Variants in ZW10 observed in about 807,000 individuals in gnomAD.
The protein encoded by ZW10 is zw10 kinetochore protein.
In ZW10, 53 loss-of-function variants were observed where a neutral mutation model predicts 87.8. That is an observed-to-expected ratio of 0.60 (90% confidence interval 0.48 to 0.76). ZW10 has a LOEUF of 0.76. Ranked by LOEUF, ZW10 falls within the 30% of genes least tolerant of loss-of-function variation. ZW10 has a pLI of 0.00. For synonymous variants in ZW10, 312 were observed against 329.2 expected (o/e 0.95, Z 0.57); for missense variants, 837 against 923.0 (o/e 0.91, Z 1.21).
chr11:113,759,722 A>G (rs1234305913), intron 5 of ZW10, among the ~76,000 whole-genome samples: 2 of 152,180 alleles, frequency 1.3e-5, no homozygotes, highest in Non-Finnish European at 2.9e-5. Flanking sequence ...ATTTTCCCCA[A>G]GGACTGGAAA....
intron 7 of ZW10, among the ~76,000 whole-genome samples, chr11:113,750,090 T>A (rs1953719555): frequency 6.6e-6 from 1 of 152,202 alleles, no homozygotes; most frequent in Non-Finnish European, 1.5e-5. Flanking sequence ...TTTTTCTAGA[T>A]TAAGAAAATA....
At chr11:113,755,448 A>G (rs1257808114) in intron 7 of ZW10, among the ~76,000 whole-genome samples, 1 of 152,204 alleles carries the variant, frequency 6.6e-6, no homozygotes, top group Admixed American at 6.5e-5. Context: ...AATTGCTGCA[A>G]TCTCATGATA....
Position 113,733,807 on chromosome 11 carries a change from C to T in ZW10, c.2227G>A (p.Asp743Asn). 1 of 1,599,444 alleles carries T rather than the reference C, an allele frequency of 6.3e-7. No homozygotes were observed. Among genetic ancestry groups the T allele is most frequent in the Non-Finnish European group, 8.5e-7 (1 of 1,172,602 alleles). ...SLQEIGDRWA[D>N]GKGPLAAAFS... ...GCAGCTGCCAGGGGTCCTTTTCCATCTGCCCACCTGCAAAACGAAAGATAG... is the reference window on the plus strand; with the variant it reads ...GCAGCTGCCAGGGGTCCTTTTCCATTTGCCCACCTGCAAAACGAAAGATAG... The change falls in exon 16 of 16, where the codon GAT (aspartate) becomes AAT (asparagine). Residue 743 changes from aspartate (D) to asparagine (N), a missense_variant. Coordinates refer to ENST00000200135, the MANE Select transcript of ZW10 (RefSeq NM_004724.4).
intron 7 of ZW10, among the ~76,000 whole-genome samples, chr11:113,753,288 G>A (rs993266257): frequency 1.1e-4 from 17 of 152,230 alleles, no homozygotes; most frequent in African/African-American, 3.6e-4. Flanking sequence ...TTGGTTTTCT[G>A]TTCCTGAGTT....
chr11:113,757,790 A>G lies in ZW10; in HGVS notation c.797T>C (p.Ile266Thr), dbSNP rs779868309. ...AATAACTATGTTAGGCTGGCTTTCT[A>G]TCACAGCATGAAGGGATGGGCAAGA... ...LASCPSLHAV[I>T]ESQPNIVIIR... The change falls in exon 7 of 16, where the codon ATA becomes ACA. Residue 266 changes from isoleucine to threonine, a missense_variant. Physicochemically the swap from Ile to Thr is moderately conservative, Grantham distance 89. Transcript: ENST00000200135. 10 of 1,613,880 alleles carry G rather than the reference A, an allele frequency of 6.2e-6. No individual in the cohort carries two copies. In the East Asian group the frequency reaches 2.2e-4, roughly 36 times the overall value.
Position 113,738,045 on chromosome 11 carries a change from T to C in ZW10, c.1884+219A>G, listed in dbSNP as rs574805599. Among the ~76,000 whole-genome samples the C allele has an allele frequency of 4.0e-5, 6 of 151,856 alleles. No individual in the cohort carries two copies. The South Asian group carries it at 1.2e-3, about 32-fold the overall frequency. Reference sequence around the variant, plus strand: ...CTTTCTAGGTAACAAGTTGCAATTATTGAGTCAATGAAAAGATAGTTTCGT... The same window carrying C: ...CTTTCTAGGTAACAAGTTGCAATTACTGAGTCAATGAAAAGATAGTTTCGT... On this transcript the variant is annotated intron_variant, in intron 13 of 15. Coordinates refer to ENST00000200135, the MANE Select transcript of ZW10 (RefSeq NM_004724.4).
At chr11:113,760,705 GAAAGA>G in intron 3 of ZW10, 107 bp downstream of exon 3, 3 of 773,368 alleles carry the variant, frequency 3.9e-6, no homozygotes, top group Non-Finnish European at 5.4e-6. Context: ...AAAAAAAAAA[GAAAGA>G]AAAAAAAATA....
chr11:113,757,726 T>C lies in ZW10; in HGVS notation c.861A>G (p.Pro287=), dbSNP rs1225149886. 1 of 1,613,444 alleles carries C rather than the reference T, an allele frequency of 6.2e-7. No individual in the cohort carries two copies. The highest frequency in any genetic ancestry group is 1.1e-5 in the South Asian group (1 of 90,986). The part of the protein sequence containing the change: ...FESIMTNLEY[P]SPSEVFTKIR... The stretch of plus-strand genomic sequence containing the variant: ...TCTTTGTAAAAACTTCAGATGGTGA[T>C]GGATATTCCAAGTTAGTCATTATAG... The change falls in exon 7 of 16, where the codon CCA becomes CCG. Residue 287 remains proline (P), a synonymous_variant. Transcript: ENST00000200135.
At chr11:113,747,751 C>T (rs1215746036) in intron 8 of ZW10, 38 bp from the exon 9 acceptor site, 1 of 1,446,844 alleles carries the variant, frequency 6.9e-7, no homozygotes, top group Non-Finnish European at 9.3e-7. Flanking sequence ...GAATCATTTA[C>T]ATATATTCCA....
At position 113,760,577 on chromosome 11, in the gene ZW10, A is replaced by G. The variant is rs375705676; in HGVS notation, c.356T>C (p.Ile119Thr). The G allele has an allele frequency of 1.2e-6, 2 of 1,612,190 alleles. No individual in the cohort carries two copies. The highest frequency in any genetic ancestry group is 1.3e-5 in the African/African-American group (1 of 74,872). ...LKQLQEFSTA[I>T]EEYNCALTEK... is the part of the protein sequence containing the mutation. ...TGTTAATGCACAATTATATTCTTCA[A>G]TAGCAGTGGAAAACTGAAAAGTTAA... Residue 119 changes from isoleucine (I) to threonine (T), a missense_variant, in exon 4 of 16, where the codon ATT becomes ACT. Coordinates refer to ENST00000200135, the MANE Select transcript of ZW10 (RefSeq NM_004724.4).
Position 113,758,636 on chromosome 11 carries a change from C to T in ZW10, c.651G>A (p.Glu217=). 6.2e-7 allele frequency: 1 copy of T among 1,614,036 alleles called. No individual in the cohort carries two copies. Among genetic ancestry groups the T allele is most frequent in the Non-Finnish European group, 8.5e-7 (1 of 1,179,944 alleles). ...AACTGATGGGTGGCATAGGGGTCTT[C>T]TCCTCTTTGTGCGATTGTTCAGTGT... is the stretch of plus-strand genomic sequence containing the variant. The part of the protein sequence containing the change: ...HLYTEQSHKE[E]KTPMPPISSV... The change falls in exon 6 of 16, where the codon GAG becomes GAA. Residue 217 remains glutamate, a synonymous_variant. Coordinates refer to ENST00000200135, the MANE Select transcript of ZW10 (RefSeq NM_004724.4).
intron 10 of ZW10, among the ~76,000 whole-genome samples, chr11:113,743,110 A>G (rs1445725093): frequency 6.6e-6 from 1 of 152,258 alleles, no homozygotes; most frequent in Non-Finnish European, 1.5e-5. Flanking sequence ...ACAAAAACAG[A>G]TTCCATATAA....
chr11:113,759,303 C>T (rs915317708), intron 5 of ZW10, among the ~76,000 whole-genome samples: 2 of 151,000 alleles, frequency 1.3e-5, no homozygotes, highest in Non-Finnish European at 3.0e-5. Context: ...ATTCAACACA[C>T]CTGCCCTCTT....
At chr11:113,756,661 C>T (rs893044762) in intron 7 of ZW10, among the ~76,000 whole-genome samples, 1 of 152,190 alleles carries the variant, frequency 6.6e-6, no homozygotes, top group Non-Finnish European at 1.5e-5. Flanking sequence ...CTCAAGTTCT[C>T]TCTCACTAAA....
At chr11:113,739,165 A>C in intron 12 of ZW10, 48 bp downstream of exon 12, 1 of 1,593,710 alleles carries the variant, frequency 6.3e-7, no homozygotes, top group Non-Finnish European at 8.6e-7. Flanking sequence ...TACTATGTTG[A>C]CAAGCTGCAT....
At chr11:113,772,273 T>C (rs1005737399) in intron 1 of ZW10, among the ~76,000 whole-genome samples, 1 of 152,196 alleles carries the variant, frequency 6.6e-6, no homozygotes, top group Admixed American at 6.5e-5. Flanking sequence ...CTAGGGTCGC[T>C]TGCCATGCTA....
chr11:113,773,041 G>A (rs1555036555), intron 1 of ZW10, among the ~76,000 whole-genome samples: 1 of 150,520 alleles, frequency 6.6e-6, no homozygotes, highest in South Asian at 2.1e-4. Context: ...TTTTTTTAAT[G>A]TCGGGGAGGA....
intron 10 of ZW10, among the ~76,000 whole-genome samples, chr11:113,743,187 A>T (rs1953641137): frequency 6.6e-6 from 1 of 152,228 alleles, no homozygotes. Flanking sequence ...GAAAGAGTGA[A>T]GCCAGATCTT....
chr11:113,743,737 A>T, intron 10 of ZW10, 65 bp downstream of exon 10: 1 of 1,223,892 alleles, frequency 8.2e-7, no homozygotes, highest in Non-Finnish European at 1.2e-6. Context: ...TTTTCCTGAT[A>T]AACATCTAGT....
Sources: gnomAD v4.1 joint callset for allele counts (sites outside exome capture counted in the v4.1 genomes callset) on GRCh38, gnomAD v4.1.1 for gene constraint, MANE v1.5 for transcripts, NCBI Gene and HGNC (gene_info 2026-07-23, HGNC 2026-07-21) for gene names.